The following EFEMP1 variants were observed in gnomAD, a reference collection of about 807,000 sequenced individuals.
EFEMP1 encodes the protein EGF-containing fibulin-like extracellular matrix protein 1.
In EFEMP1, 18 loss-of-function variants were observed where a neutral mutation model predicts 65.7. The ratio of observed to expected loss-of-function variants is 0.27; its 90% CI spans 0.19 to 0.41. The LOEUF (loss-of-function observed/expected upper bound fraction) is 0.41. Ranked by LOEUF, EFEMP1 falls within the 10% of genes least tolerant of loss-of-function variation. The pLI is 1.00. For synonymous variants in EFEMP1, 237 were observed against 219.7 expected, an observed-to-expected ratio of 1.08 and a Z score of -0.70; for missense variants, 469 against 624.8, an observed-to-expected ratio of 0.75 and a Z score of 2.66.
At chr2:55,891,152 A>G (rs1378045347) in intron 5 of EFEMP1, among the ~76,000 whole-genome samples, 1 of 152,074 alleles carries the variant, frequency 6.6e-6, no homozygotes, top group African/African-American at 2.4e-5. Flanking sequence ...AAATAGAATA[A>G]ATGGCTAGAA....
At chr2:55,901,464 C>G (rs1360894970) in intron 5 of EFEMP1, among the ~76,000 whole-genome samples, 2 of 152,214 alleles carry the variant, frequency 1.3e-5, no homozygotes, top group South Asian at 4.1e-4. Flanking sequence ...GAAGAAAAGG[C>G]TACGTTTACT....
chr2:55,908,759 C>T (rs537411377), intron 5 of EFEMP1, among the ~76,000 whole-genome samples: 116 of 152,178 alleles, frequency 7.6e-4, no homozygotes, highest in Admixed American at 6.9e-3. Context: ...TTATGATTAT[C>T]TGACCTCAAG....
chr2:55,867,344 G>A lies in EFEMP1; in HGVS notation c.1321-110C>T. The A allele has an allele frequency of 8.2e-7, 1 of 1,221,582 alleles. No homozygotes were observed. Among genetic ancestry groups the A allele is most frequent in the Non-Finnish European group, 1.1e-6 (1 of 874,136 alleles). 75.7% of individuals were successfully genotyped at this position (1,221,582 alleles called of 1,614,324 possible). On this transcript the variant is annotated intron_variant, in intron 11 of 11. Coordinates refer to ENST00000355426, the MANE Select transcript of EFEMP1 (RefSeq NM_001039348.3). The surrounding 1 kb of genome is among the most constrained non-coding windows in gnomAD (Gnocchi z 4.3). ...AATTAGGGGGAGAATTTTGAAGGTG[G>A]TATAAAAGAGCCACTACTTGGTCCC...
chr2:55,878,418 G>A (rs1669115677), intron 6 of EFEMP1, among the ~76,000 whole-genome samples: 1 of 152,150 alleles, frequency 6.6e-6, no homozygotes, highest in Non-Finnish European at 1.5e-5. Context: ...GTTACCTCTT[G>A]AGAGTGCTCT....
chr2:55,878,942 C>G (rs927609274), intron 6 of EFEMP1, among the ~76,000 whole-genome samples: 1 of 152,162 alleles, frequency 6.6e-6, no homozygotes, highest in African/African-American at 2.4e-5. Context: ...AACTTGAATA[C>G]TGAAATAAAT....
In EFEMP1 at chr2:55,886,192, G is replaced by A. The variant is rs530141800; in HGVS notation, c.518-4458C>T. ...AATCTGTCACTCCCTGTGTGATCTAGGGTCATGGTATCAATTTTTTCTCTT... is the reference window on the plus strand; with the variant it reads ...AATCTGTCACTCCCTGTGTGATCTAAGGTCATGGTATCAATTTTTTCTCTT... On this transcript the variant is annotated intron_variant, in intron 5 of 11. Transcript: ENST00000355426. The surrounding 1 kb of genome is among the most constrained non-coding windows in gnomAD (Gnocchi z 4.0). 6.6e-6 allele frequency among the ~76,000 whole-genome samples: 1 copy of A among 152,260 alleles called. No homozygotes were observed. The highest frequency in any genetic ancestry group is 2.4e-5 in the African/African-American group (1 of 41,562).
chr2:55,894,251 A>C (rs1669733673), intron 5 of EFEMP1, among the ~76,000 whole-genome samples: 2 of 152,210 alleles, frequency 1.3e-5, no homozygotes, highest in African/African-American at 4.8e-5. Context: ...AAGATATGAA[A>C]AATGTAAATT....
intron 5 of EFEMP1, among the ~76,000 whole-genome samples, chr2:55,900,307 C>T (rs866020684): frequency 6.8e-6 from 1 of 146,746 alleles, no homozygotes; most frequent in Middle Eastern, 3.4e-3. Context: ...TCTGACTGCC[C>T]CCACGATCCC....
Position 55,877,174 on chromosome 2 carries a change from G to A in EFEMP1, c.761-432C>T, listed in dbSNP as rs1669069414. ...AGCATGCTGTACTGAAGATTTATCT[G>A]TGCTATTTATTACTTTTTAAATGGG... On this transcript the variant is annotated intron_variant, in intron 7 of 11. Coordinates refer to ENST00000355426, the MANE Select transcript of EFEMP1 (RefSeq NM_001039348.3). The surrounding 1 kb of genome is among the most constrained non-coding windows in gnomAD (Gnocchi z 4.5). 6.6e-6 allele frequency among the ~76,000 whole-genome samples: 1 copy of A among 152,112 alleles called. No homozygotes were observed. The highest frequency in any genetic ancestry group is 2.4e-5 in the African/African-American group (1 of 41,422).
chr2:55,876,776 A>G lies in EFEMP1; in HGVS notation c.761-34T>C, dbSNP rs756268360. The G allele has an allele frequency of 2.2e-5, 28 of 1,246,114 alleles. 1 individual carries two copies. The highest frequency in any genetic ancestry group is 5.0e-4 in the Middle Eastern group (2 of 4,010). 77.2% of individuals were successfully genotyped at this position (1,246,114 alleles called of 1,614,324 possible). ...AAGTTTTATATATATATATATGTAT[A>G]TGTATATATATACACACACATATAT... On this transcript the variant is annotated intron_variant, in intron 7 of 11. Transcript: ENST00000355426.
intron 3 of EFEMP1, among the ~76,000 whole-genome samples, chr2:55,920,618 C>T (rs1670879804): frequency 6.6e-6 from 1 of 152,190 alleles, no homozygotes; most frequent in African/African-American, 2.4e-5. Context: ...ATAGAGAAGA[C>T]TTGCAATTTG....
At position 55,877,667 on chromosome 2, in the gene EFEMP1, A is replaced by G. The variant is rs565873702; in HGVS notation, c.760+79T>C. On this transcript the variant is annotated intron_variant, in intron 7 of 11. Coordinates refer to ENST00000355426, the MANE Select transcript of EFEMP1 (RefSeq NM_001039348.3). This position sits in a 1 kb window ranked among gnomAD's most constrained non-coding sequence, Gnocchi z 4.5. ...ATGGAAACTATTTACTCAAGAACAT[A>G]GAAAACTGGAAATACTGCAACATGG... is the stretch of plus-strand genomic sequence containing the variant. The G allele has an allele frequency of 1.3e-5, 20 of 1,599,880 alleles. No homozygotes were observed. In the South Asian group the frequency reaches 2.1e-4, roughly 17 times the overall value.
chr2:55,870,766 G>A lies in EFEMP1; in HGVS notation c.1274C>T (p.Thr425Ile), dbSNP rs780161368. Reference sequence around the variant, plus strand: ...TTCATTTCCAGATTTAATCCGAAAAGTATTGATGGTGTTGGCATAAATAGT... The same window carrying A: ...TTCATTTCCAGATTTAATCCGAAAAATATTGATGGTGTTGGCATAAATAGT... Reference protein sequence around the residue: ...ATTIYANTINTFRIKSGNENG... With the variant: ...ATTIYANTINIFRIKSGNENG... Residue 425 changes from threonine to isoleucine, a missense_variant, in exon 11 of 12, where the codon ACT becomes ATT. Thr to Ile is a moderately conservative substitution (Grantham distance 89, BLOSUM62 -1). This residue lies in a region of EFEMP1 where 399 missense variants were observed against 528.2 expected (regional missense o/e 0.76). Transcript: ENST00000355426. This position sits in a 1 kb window ranked among gnomAD's most constrained non-coding sequence, Gnocchi z 5.8. 74 of 1,613,662 alleles carry A rather than the reference G, an allele frequency of 4.6e-5. No individual in the cohort carries two copies. Among genetic ancestry groups the A allele is most frequent in the Non-Finnish European group, 6.1e-5 (72 of 1,179,794 alleles).
chr2:55,881,869 A>C, intron 5 of EFEMP1, 135 bp from the exon 6 acceptor site: 1 of 1,160,134 alleles, frequency 8.6e-7, no homozygotes, highest in Non-Finnish European at 1.3e-6. Flanking sequence ...GAAATGTTTA[A>C]AATTATAAAT....
chr2:55,877,783 AG>A lies in EFEMP1; in HGVS notation c.722del (p.Pro241LeufsTer13). ...AGTTGTTTGCTGCCAATTGAAACCC[AG>A]GACTGCACTGGCAATAAAATGAGCC... ...TPGSFYCQCSPGFQLAANNYT... is the reference protein window; with the variant it reads ...TPGSFYCQCSXGFQLAANNYT... On this transcript the variant is annotated frameshift_variant, in exon 7 of 12. Transcript: ENST00000355426. LOFTEE classifies it high-confidence loss of function. The surrounding 1 kb of genome is among the most constrained non-coding windows in gnomAD (Gnocchi z 4.5). 6.2e-7 allele frequency: 1 copy of A among 1,613,298 alleles called. No individual in the cohort carries two copies. Among genetic ancestry groups the A allele is most frequent in the Non-Finnish European group, 8.5e-7 (1 of 1,179,386 alleles).
At position 55,870,015 on chromosome 2, in the gene EFEMP1, A is replaced by G. The variant is rs922522001; in HGVS notation, c.1320+705T>C. On this transcript the variant is annotated intron_variant, in intron 11 of 11. Transcript: ENST00000355426. The surrounding 1 kb of genome is among the most constrained non-coding windows in gnomAD (Gnocchi z 5.8). ...GAGATAGGGATGTGAGGAAGCAAAG[A>G]TAACCCAGGAGACAGTGTGAAGAGG... is the stretch of plus-strand genomic sequence containing the variant. Among the ~76,000 whole-genome samples the G allele has an allele frequency of 6.6e-6, 1 of 152,098 alleles. No individual in the cohort carries two copies. The highest frequency in any genetic ancestry group is 2.1e-4 in the South Asian group (1 of 4,826).
At chr2:55,893,718 A>T (rs1430193) in intron 5 of EFEMP1, among the ~76,000 whole-genome samples, 74,057 of 152,050 alleles carry the variant, frequency 0.49, 20,393 homozygotes, top group East Asian at 0.89. Flanking sequence ...GTGGTACTTC[A>T]GCTATATACA....
At chr2:55,902,065 G>C (rs1026464488) in intron 5 of EFEMP1, among the ~76,000 whole-genome samples, 1 of 152,204 alleles carries the variant, frequency 6.6e-6, no homozygotes, top group African/African-American at 2.4e-5. Context: ...AGCCTTGTCA[G>C]AGACCCAAAG....
chr2:55,884,794 G>C (rs1385412616), intron 5 of EFEMP1, among the ~76,000 whole-genome samples: 4 of 152,170 alleles, frequency 2.6e-5, no homozygotes, highest in Non-Finnish European at 5.9e-5. Flanking sequence ...CAGGCAGTCA[G>C]TTAATAAATT....
Sources: gnomAD v4.1 joint callset for allele counts (sites outside exome capture counted in the v4.1 genomes callset) on GRCh38, gnomAD v4.1.1 for gene constraint, gnomAD v4.1.1 regional missense constraint, Gnocchi (gnomAD v3.1) non-coding constraint, MANE v1.5 for transcripts, NCBI Gene and HGNC (gene_info 2026-07-23, HGNC 2026-07-21) for gene names.